TBC1D22A: variants seen among roughly 807,000 people sequenced by gnomAD.
TBC1D22A encodes the protein putative GTPase activator.
A neutral mutation model predicts 60.2 loss-of-function variants in TBC1D22A; 38 were observed. The observed-to-expected ratio is 0.63, with a 90% confidence interval of 0.49 to 0.83. The LOEUF (loss-of-function observed/expected upper bound fraction) is 0.83. Ranked by LOEUF, TBC1D22A falls within the 40% of genes least tolerant of loss-of-function variation. The pLI, the probability that TBC1D22A is intolerant of heterozygous loss-of-function variation, is 0.00. For synonymous variants in TBC1D22A, 302 were observed against 281.7 expected, an observed-to-expected ratio of 1.07 and a Z score of -0.72; for missense variants, 628 against 701.0, an observed-to-expected ratio of 0.90 and a Z score of 1.18.
chr22:46,781,649 G>A (rs189584274), intron 1 of TBC1D22A, among the ~76,000 whole-genome samples: 3 of 152,292 alleles, frequency 2.0e-5, no homozygotes, highest in African/African-American at 7.2e-5. Context: ...GGTCTTTTTG[G>A]TTGGGGGTCT....
At chr22:46,913,502 G>T in intron 8 of TBC1D22A, 1 of 1,300,690 alleles carries the variant, frequency 7.7e-7, no homozygotes, top group Non-Finnish European at 1.0e-6. Flanking sequence ...GATTTCATAG[G>T]AGGTTGTCTC....
chr22:46,904,096 A>AATCTATCTATCTATCTATCT (rs748640215), intron 7 of TBC1D22A, among the ~76,000 whole-genome samples: 4 of 106,856 alleles, frequency 3.7e-5, no homozygotes, highest in Non-Finnish European at 7.4e-5. Flanking sequence ...ATCTAAATAA[A>AATCTATCTATCTATCTATCT]ATCTATCTAT....
chr22:47,039,983 T>C (rs111354686), intron 11 of TBC1D22A, among the ~76,000 whole-genome samples: 57,060 of 138,854 alleles, frequency 0.41, 12,451 homozygotes, highest in Middle Eastern at 0.66. Context: ...CTCACTCTGT[T>C]GTCCAGGCTG....
chr22:46,854,697 GA>G (rs2087477787), intron 4 of TBC1D22A, among the ~76,000 whole-genome samples: 2 of 152,120 alleles, frequency 1.3e-5, no homozygotes, highest in Non-Finnish European at 2.9e-5. Context: ...TTCCCCCTGC[GA>G]TGCATTCCAG....
intron 4 of TBC1D22A, among the ~76,000 whole-genome samples, chr22:46,866,165 C>T (rs181969913): frequency 3.0e-4 from 45 of 152,282 alleles, no homozygotes; most frequent in Non-Finnish European, 4.9e-4. Flanking sequence ...AGTGCCGTGG[C>T]GTAATCTTGC....
intron 11 of TBC1D22A, among the ~76,000 whole-genome samples, chr22:47,065,400 A>T (rs2076162115): frequency 6.6e-6 from 1 of 152,178 alleles, no homozygotes; most frequent in African/African-American, 2.4e-5. Context: ...CCGAGAGTTC[A>T]GTCTCACAGG....
intron 4 of TBC1D22A, among the ~76,000 whole-genome samples, chr22:46,867,615 G>T (rs1337646146): frequency 6.6e-6 from 1 of 152,232 alleles, no homozygotes; most frequent in Non-Finnish European, 1.5e-5. Context: ...AGTAGATGTG[G>T]AAATAGCCAA....
intron 1 of TBC1D22A, among the ~76,000 whole-genome samples, chr22:46,789,651 A>T (rs139178007): frequency 0.01 from 1,527 of 152,298 alleles, 24 homozygotes; most frequent in African/African-American, 0.035. Context: ...TAGGAATGGG[A>T]TACTGAATAG....
chr22:46,780,586 G>A (rs926889976), intron 1 of TBC1D22A, among the ~76,000 whole-genome samples: 7 of 152,196 alleles, frequency 4.6e-5, no homozygotes, highest in Non-Finnish European at 7.3e-5. Flanking sequence ...GCCTTGCAGC[G>A]TTGGCCAGAG....
At chr22:46,996,002 CTGCCCGTG>C (rs1173141712) in intron 9 of TBC1D22A, among the ~76,000 whole-genome samples, 1 of 152,250 alleles carries the variant, frequency 6.6e-6, no homozygotes, top group Non-Finnish European at 1.5e-5. Flanking sequence ...ACGTGGACAG[CTGCCCGTG>C]TAGACCTGCC....
intron 11 of TBC1D22A, among the ~76,000 whole-genome samples, chr22:47,068,832 A>G (rs539156039): frequency 6.6e-6 from 1 of 152,358 alleles, no homozygotes; most frequent in Non-Finnish European, 1.5e-5. Context: ...TATTGGACCC[A>G]TTAATTAATT....
chr22:47,161,868 G>A (rs897449507), intron 12 of TBC1D22A, among the ~76,000 whole-genome samples: 5 of 152,254 alleles, frequency 3.3e-5, no homozygotes, highest in Non-Finnish European at 5.9e-5. Flanking sequence ...TGTCCCTGGG[G>A]ATAACTGAGC....
intron 10 of TBC1D22A, among the ~76,000 whole-genome samples, chr22:47,023,307 A>G (rs1173702827): frequency 6.6e-6 from 1 of 152,242 alleles, no homozygotes; most frequent in Non-Finnish European, 1.5e-5. Context: ...CAACACAGCA[A>G]TAGAAACTAT....
intron 4 of TBC1D22A, among the ~76,000 whole-genome samples, chr22:46,872,667 C>T (rs2067346426): frequency 1.3e-5 from 2 of 152,222 alleles, no homozygotes; most frequent in African/African-American, 4.8e-5. Flanking sequence ...CCTAATGAAA[C>T]AGGCAGCTTT....
intron 4 of TBC1D22A, among the ~76,000 whole-genome samples, chr22:46,802,966 G>A (rs1183948809): frequency 6.6e-6 from 1 of 152,026 alleles, no homozygotes; most frequent in Non-Finnish European, 1.5e-5. Context: ...CAGGGATGGG[G>A]AACAGCCGAT....
intron 4 of TBC1D22A, among the ~76,000 whole-genome samples, chr22:46,805,384 C>A (rs1288425530): frequency 6.6e-6 from 1 of 152,222 alleles, no homozygotes; most frequent in East Asian, 1.9e-4. Flanking sequence ...GACGCAAGGA[C>A]TTTTGAACAA....
chr22:46,944,626 A>C (rs552970091), intron 8 of TBC1D22A, among the ~76,000 whole-genome samples: 39 of 152,284 alleles, frequency 2.6e-4, no homozygotes, highest in East Asian at 1.5e-3. Flanking sequence ...TCTTGATCTC[A>C]TGACCTTGTA....
chr22:47,019,272 G>A (rs893041135), intron 10 of TBC1D22A, among the ~76,000 whole-genome samples: 1 of 152,212 alleles, frequency 6.6e-6, no homozygotes, highest in Non-Finnish European at 1.5e-5. Flanking sequence ...GGTGGCTTCC[G>A]GATCAGGACA....
intron 4 of TBC1D22A, among the ~76,000 whole-genome samples, chr22:46,815,719 C>T (rs572608322): frequency 5.3e-4 from 81 of 152,320 alleles, no homozygotes; most frequent in African/African-American, 1.9e-3. Flanking sequence ...GCTCCCTGCC[C>T]TGTAGCAGCT....
Sources: allele counts gnomAD v4.1 joint callset (sites outside exome capture counted in the v4.1 genomes callset), GRCh38; gene constraint gnomAD v4.1.1; transcripts MANE v1.5; gene names NCBI Gene and HGNC (gene_info 2026-07-23, HGNC 2026-07-21).